The following SMOC2 variants were observed in gnomAD, a reference collection of about 807,000 sequenced individuals.
SMOC2 encodes SPARC-related modular calcium-binding protein 2.
Under a neutral mutation model 61.4 loss-of-function variants are expected in SMOC2, and 39 were observed. That is an observed-to-expected ratio of 0.64 (90% CI 0.49 to 0.83). The LOEUF (loss-of-function observed/expected upper bound fraction) is 0.83. Ranked by LOEUF, SMOC2 falls within the 40% of genes least tolerant of loss-of-function variation. The pLI, the probability that SMOC2 is intolerant of heterozygous loss-of-function variation, is 0.00. For synonymous variants in SMOC2, 247 were observed against 239.9 expected (o/e 1.03, Z -0.27); for missense variants, 556 against 592.9 (o/e 0.94, Z 0.65).
chr6:168,598,700 C>G (rs1785391465), intron 7 of SMOC2, 118 bp from the exon 8 acceptor site: 2 of 1,225,112 alleles, frequency 1.6e-6, no homozygotes, highest in Non-Finnish European at 2.3e-6. Flanking sequence ...GGCCCTCCTG[C>G]TCCGGGGTGA....
At chr6:168,594,845 C>G (rs1161363143) in intron 7 of SMOC2, among the ~76,000 whole-genome samples, 2 of 53,034 alleles carry the variant, frequency 3.8e-5, no homozygotes, top group African/African-American at 1.1e-4. Context: ...GGGCATCTTT[C>G]TAGAGGATCT....
intron 2 of SMOC2, among the ~76,000 whole-genome samples, chr6:168,514,197 TC>T (rs1430419738): frequency 6.6e-6 from 1 of 152,190 alleles, no homozygotes; most frequent in Non-Finnish European, 1.5e-5. Flanking sequence ...TCAGTCTGTT[TC>T]TTTGGAGACC....
intron 9 of SMOC2, among the ~76,000 whole-genome samples, chr6:168,643,345 T>C (rs6900667): frequency 0.91 from 137,913 of 152,238 alleles, 62,656 homozygotes; most frequent in African/African-American, 0.96. Context: ...TCATAAGACC[T>C]CCTGGGTTTT....
At chr6:168,546,795 C>G (rs1185395357) in intron 5 of SMOC2, among the ~76,000 whole-genome samples, 2 of 152,208 alleles carry the variant, frequency 1.3e-5, no homozygotes, top group East Asian at 3.9e-4. Context: ...GCTAGACTTT[C>G]TTTACTCTAA....
chr6:168,512,152 C>T (rs1055086829), intron 2 of SMOC2, among the ~76,000 whole-genome samples: 2 of 152,066 alleles, frequency 1.3e-5, no homozygotes, highest in Non-Finnish European at 2.9e-5. Context: ...CAGGAGGGCC[C>T]GAGAGGGAAG....
intron 1 of SMOC2, among the ~76,000 whole-genome samples, chr6:168,505,762 G>C (rs182329006): frequency 6.6e-6 from 1 of 152,316 alleles, no homozygotes; most frequent in East Asian, 1.9e-4. Flanking sequence ...TCTGAAATCT[G>C]AGGAAGTCCA....
chr6:168,604,835 A>G lies in SMOC2; in HGVS notation c.825-3322A>G, dbSNP rs112083050. Among the ~76,000 whole-genome samples, 1,312 of 152,310 alleles carry G rather than the reference A, an allele frequency of 8.6e-3. 19 individuals carry two copies. The highest frequency in any genetic ancestry group is 0.027 in the African/African-American group (1,141 of 41,574). ...TGCCACTCTGCCCAGATGAGGCAGGAGCAGCTTGCTCTGGTGCAGTTTCTA... is the reference window on the plus strand; with the variant it reads ...TGCCACTCTGCCCAGATGAGGCAGGGGCAGCTTGCTCTGGTGCAGTTTCTA... On this transcript the variant is annotated intron_variant, in intron 8 of 12. Coordinates refer to ENST00000356284, the MANE Select transcript of SMOC2 (RefSeq NM_001166412.2).
chr6:168,652,813 A>G lies in SMOC2; in HGVS notation c.1011-141A>G, dbSNP rs1182215903. The stretch of plus-strand genomic sequence containing the variant: ...CTAAATTATTTCTTTAAATTGTTAT[A>G]TCTGATGACCAGTGCTGCAGGCTGA... On this transcript the variant is annotated intron_variant, in intron 10 of 12. Transcript: ENST00000356284. 2.0e-5 allele frequency: 13 copies of G among 661,796 alleles called. 2 individuals are homozygous for G. The South Asian group carries it at 3.1e-4, about 16-fold the overall frequency. 41.0% of individuals were successfully genotyped at this position (661,796 alleles called of 1,614,324 possible). A position where few individuals can be genotyped will look rare whatever the true frequency, so the allele number is the denominator to read the frequency against.
At chr6:168,651,824 T>C (rs756671767) in intron 10 of SMOC2, among the ~76,000 whole-genome samples, 32 of 152,298 alleles carry the variant, frequency 2.1e-4, no homozygotes, top group Non-Finnish European at 3.8e-4. Flanking sequence ...GTGGATCACC[T>C]GAGGTCAGGA....
chr6:168,562,423 G>A (rs1245091158), intron 7 of SMOC2, among the ~76,000 whole-genome samples: 3 of 143,856 alleles, frequency 2.1e-5, no homozygotes, highest in Non-Finnish European at 3.1e-5. Context: ...TTCATACCCT[G>A]AGACACGAGG....
chr6:168,664,207 C>A (rs1472418072), intron 12 of SMOC2, 96 bp downstream of exon 12: 16 of 639,614 alleles, frequency 2.5e-5, no homozygotes, highest in Middle Eastern at 2.6e-4. Context: ...CCAGTACCTT[C>A]CAAGAAAATC....
intron 9 of SMOC2, among the ~76,000 whole-genome samples, chr6:168,648,326 C>T (rs758671688): frequency 2.6e-5 from 4 of 152,238 alleles, no homozygotes; most frequent in East Asian, 1.9e-4. Context: ...CCTGTCTCGT[C>T]GCCCTGGACA....
chr6:168,531,377 G>A (rs1783598031), intron 4 of SMOC2, among the ~76,000 whole-genome samples: 1 of 152,212 alleles, frequency 6.6e-6, no homozygotes, highest in South Asian at 2.1e-4. Context: ...GTTAAAACGT[G>A]CAACGCCACT....
rs145107364 is a variant in SMOC2 at position 168,492,115 on chromosome 6, A to G, written c.85-17800A>G. On this transcript the variant is annotated intron_variant, in intron 1 of 12. Coordinates refer to ENST00000356284, the MANE Select transcript of SMOC2 (RefSeq NM_001166412.2). Reference sequence around the variant, plus strand: ...GTCTCCCCAATTTTTTATTCATGGAAGAGAAATTACAGGTTGTATCTGAAG... The same window carrying G: ...GTCTCCCCAATTTTTTATTCATGGAGGAGAAATTACAGGTTGTATCTGAAG... 5.3e-3 allele frequency among the ~76,000 whole-genome samples: 806 copies of G among 152,332 alleles called. 9 individuals are homozygous for G. The highest frequency in any genetic ancestry group is 0.018 in the African/African-American group (756 of 41,582).
At chr6:168,658,996 T>G in intron 11 of SMOC2, among the ~76,000 whole-genome samples, 1 of 142,290 alleles carries the variant, frequency 7.0e-6, no homozygotes, top group Non-Finnish European at 1.6e-5. Flanking sequence ...TGTGTAAATA[T>G]GGGGTGTGTG....
chr6:168,551,431 ATTT>A (rs1362557428), intron 7 of SMOC2, among the ~76,000 whole-genome samples: 1 of 24,038 alleles, frequency 4.2e-5, no homozygotes, highest in Non-Finnish European at 9.9e-5. Context: ...TATTTTATTT[ATTT>A]ATTTATTTAT....
At chr6:168,512,249 G>A (rs1356811401) in intron 2 of SMOC2, among the ~76,000 whole-genome samples, 1 of 152,042 alleles carries the variant, frequency 6.6e-6, no homozygotes, top group African/African-American at 2.4e-5. Flanking sequence ...GGAAGTCGTG[G>A]GCAGAACAGG....
At chr6:168,500,761 T>C (rs988938999) in intron 1 of SMOC2, among the ~76,000 whole-genome samples, 1 of 152,160 alleles carries the variant, frequency 6.6e-6, no homozygotes, top group Non-Finnish European at 1.5e-5. Context: ...TCCATGCCCA[T>C]GCATTCCGTG....
chr6:168,664,814 G>A (rs759308067), intron 12 of SMOC2: 197 of 470,946 alleles, frequency 4.2e-4, no homozygotes, highest in Non-Finnish European at 5.2e-4. Flanking sequence ...ATAAACATGA[G>A]TGGGTTCATG....
Sources: allele counts gnomAD v4.1 joint callset (sites outside exome capture counted in the v4.1 genomes callset), GRCh38; gene constraint gnomAD v4.1.1; transcripts MANE v1.5; gene names NCBI Gene and HGNC (gene_info 2026-07-23, HGNC 2026-07-21).